Variants in SAMD3 observed in about 807,000 individuals in gnomAD.
SAMD3 encodes sterile alpha motif domain containing 3.
Under a neutral mutation model 58.5 loss-of-function variants are expected in SAMD3, and 63 were observed. That is an observed-to-expected ratio of 1.08 (90% CI 0.88 to 1.33). The LOEUF is 1.33. Among genes scored for constraint, SAMD3 ranks in the 40% most tolerant of loss-of-function variants. SAMD3 has a pLI of 0.00. For synonymous variants in SAMD3, 220 were observed against 210.3 expected, an observed-to-expected ratio of 1.05 and a Z score of -0.40; for missense variants, 604 against 608.4, an observed-to-expected ratio of 0.99 and a Z score of 0.08.
chr6:130,200,739 C>T (rs1794584788), intron 5 of SAMD3, among the ~76,000 whole-genome samples: 1 of 151,996 alleles, frequency 6.6e-6, no homozygotes, highest in Non-Finnish European at 1.5e-5. Context: ...GGTCTTTAAA[C>T]AAAAATGAGG....
At position 130,298,762 on chromosome 6, in the gene SAMD3, G is replaced by A. The variant is rs1481406517; in HGVS notation, c.-188+14216C>T. 2.0e-5 allele frequency among the ~76,000 whole-genome samples: 3 copies of A among 152,146 alleles called. No individual in the cohort carries two copies. The East Asian group carries it at 5.8e-4, about 29-fold the overall frequency. On this transcript the variant is annotated intron_variant, in intron 2 of 13. Transcript: ENST00000368134. ...ATCTTATGTGTAAAAACATTCATAG[G>A]CTCAAAATAAAGGGATGGAGAAAGA...
intron 2 of SAMD3, among the ~76,000 whole-genome samples, chr6:130,265,398 A>C (rs1045847413): frequency 6.6e-6 from 1 of 152,192 alleles, no homozygotes; most frequent in African/African-American, 2.4e-5. Flanking sequence ...TGACTGGTCC[A>C]TGCACGGCCG....
chr6:130,289,274 T>C (rs558022363), intron 2 of SAMD3, among the ~76,000 whole-genome samples: 11 of 152,336 alleles, frequency 7.2e-5, no homozygotes, highest in East Asian at 1.9e-4. Flanking sequence ...CACTGTGCAA[T>C]AGGGACTCCA....
chr6:130,224,432 A>G (rs1796328467), upstream of SAMD3, among the ~76,000 whole-genome samples: 1 of 150,444 alleles, frequency 6.6e-6, no homozygotes, highest in Admixed American at 6.6e-5. Context: ...CGCCTCCCGT[A>G]TCAAAAGCAA....
chr6:130,289,203 A>G (rs1775278949), intron 2 of SAMD3, among the ~76,000 whole-genome samples: 1 of 152,214 alleles, frequency 6.6e-6, no homozygotes, highest in African/African-American at 2.4e-5. Flanking sequence ...GCATAGACTC[A>G]CTGCTCTGTG....
chr6:130,252,914 C>T (rs1216809474), intron 2 of SAMD3, among the ~76,000 whole-genome samples: 6 of 152,124 alleles, frequency 3.9e-5, no homozygotes, highest in African/African-American at 1.4e-4. Flanking sequence ...GGTTTTAAGA[C>T]GATGACATTG....
chr6:130,149,046 A>G (rs1194392980), intron 9 of SAMD3, among the ~76,000 whole-genome samples: 3 of 152,248 alleles, frequency 2.0e-5, no homozygotes, highest in Non-Finnish European at 2.9e-5. Flanking sequence ...ATAGCCATAC[A>G]TAAAGACTAA....
chr6:130,223,504 G>A (rs1796295833), upstream of SAMD3, among the ~76,000 whole-genome samples: 1 of 152,156 alleles, frequency 6.6e-6, no homozygotes, highest in South Asian at 2.1e-4. Flanking sequence ...CACATGAAAG[G>A]TGACTTCTGT....
chr6:130,231,892 A>G (rs1396238947), intron 2 of SAMD3, among the ~76,000 whole-genome samples: 2 of 152,224 alleles, frequency 1.3e-5, no homozygotes, highest in African/African-American at 4.8e-5. Flanking sequence ...TGGACAGTAG[A>G]ACTCTCTGTT....
chr6:130,227,154 C>T (rs183461392), upstream of SAMD3, among the ~76,000 whole-genome samples: 75 of 152,268 alleles, frequency 4.9e-4, no homozygotes, highest in East Asian at 3.3e-3. Flanking sequence ...CCCTGATGAC[C>T]ATTATTTTGC....
chr6:130,258,542 G>T (rs1488305871), intron 2 of SAMD3, among the ~76,000 whole-genome samples: 2 of 152,080 alleles, frequency 1.3e-5, no homozygotes, highest in Non-Finnish European at 2.9e-5. Flanking sequence ...TGCACAATTT[G>T]ATAAGTTTTG....
At chr6:130,215,436 T>C in intron 2 of SAMD3, 142 bp from the exon 3 acceptor site, 1 of 1,255,638 alleles carries the variant, frequency 8.0e-7, no homozygotes, top group Non-Finnish European at 1.0e-6. Flanking sequence ...ATTTTTACAA[T>C]GTACATTTAA....
At chr6:130,190,417 C>A (rs2114734881) in intron 5 of SAMD3, among the ~76,000 whole-genome samples, 1 of 151,808 alleles carries the variant, frequency 6.6e-6, no homozygotes, top group Non-Finnish European at 1.5e-5. Flanking sequence ...TTTAAAGCGG[C>A]CATTCTAACA....
At chr6:130,324,822 C>A (rs892345705) in intron 1 of SAMD3, among the ~76,000 whole-genome samples, 1 of 151,622 alleles carries the variant, frequency 6.6e-6, no homozygotes, top group Non-Finnish European at 1.5e-5. Context: ...CAGATCTTGC[C>A]CAGATGCAAT....
chr6:130,333,896 C>A (rs569809285), intron 1 of SAMD3, among the ~76,000 whole-genome samples: 65 of 152,286 alleles, frequency 4.3e-4, no homozygotes, highest in Admixed American at 9.8e-4. Context: ...GGGCTTGGGA[C>A]CCAGTTTCTC....
chr6:130,292,865 G>A (rs529697723), intron 2 of SAMD3, among the ~76,000 whole-genome samples: 33 of 151,884 alleles, frequency 2.2e-4, no homozygotes, highest in Non-Finnish European at 4.9e-4. Context: ...TGATCTGCCC[G>A]CCTCGGCCTC....
intron 2 of SAMD3, among the ~76,000 whole-genome samples, chr6:130,229,578 A>G (rs1426705939): frequency 6.6e-6 from 1 of 152,222 alleles, no homozygotes; most frequent in Non-Finnish European, 1.5e-5. Context: ...GAGGTAAGTC[A>G]TAGGTATTAA....
chr6:130,156,641 G>A (rs1024479127), intron 8 of SAMD3, among the ~76,000 whole-genome samples: 7 of 152,054 alleles, frequency 4.6e-5, no homozygotes, highest in Non-Finnish European at 1.0e-4. Context: ...AAGATTCGGG[G>A]CAGAAAAGAG....
upstream of SAMD3, among the ~76,000 whole-genome samples, chr6:130,225,427 T>C (rs923938426): frequency 1.1e-4 from 16 of 152,230 alleles, no homozygotes; most frequent in African/African-American, 3.9e-4. Context: ...TATCTCATTG[T>C]CTGGATCTGG....
Sources: allele counts gnomAD v4.1 joint callset (sites outside exome capture counted in the v4.1 genomes callset), GRCh38; gene constraint gnomAD v4.1.1; transcripts MANE v1.5; gene names NCBI Gene and HGNC (gene_info 2026-07-23, HGNC 2026-07-21).